URB1: variants seen among roughly 807,000 people sequenced by gnomAD.
URB1 encodes URB1 ribosome biogenesis factor.
URB1 carries 197 observed loss-of-function variants against 242.3 expected under a neutral mutation model. That is an observed-to-expected ratio of 0.81 (90% CI 0.72 to 0.91). The LOEUF (loss-of-function observed/expected upper bound fraction) is 0.91, where lower values mean the gene tolerates loss of function less well. Ranked by LOEUF, URB1 falls within the 40% of genes least tolerant of loss-of-function variation. The pLI is 0.00. For synonymous variants in URB1, 1,153 were observed against 1,201.8 expected (o/e 0.96, Z 0.84); for missense variants, 2,721 against 2,860.5 (o/e 0.95, Z 1.11).
chr21:32,354,239 T>C (rs192039155), intron 17 of URB1, 136 bp from the exon 18 acceptor site: 7 of 960,470 alleles, frequency 7.3e-6, no homozygotes, highest in African/African-American at 3.3e-5. Flanking sequence ...GCATTTAACA[T>C]AGTTTGACCC....
rs147276157 is a variant in URB1 at position 32,381,085 on chromosome 21, G to A, written c.567+2337C>T. Among the ~76,000 whole-genome samples, 147 of 152,302 alleles carry A rather than the reference G, an allele frequency of 9.7e-4. No individual in the cohort carries two copies. The East Asian group carries it at 0.022, about 22-fold the overall frequency. On this transcript the variant is annotated intron_variant, in intron 4 of 38. Transcript: ENST00000382751. ...AGGACACAGCAGCTGCCCACTCTAGGCTCTAGGCTCTGCCACTGTCGTGGC... is the reference window on the plus strand; with the variant it reads ...AGGACACAGCAGCTGCCCACTCTAGACTCTAGGCTCTGCCACTGTCGTGGC...
chr21:32,312,785 C>T lies in URB1; in HGVS notation c.*2133G>A, dbSNP rs901338067. ...AGCAAATCTCAGAAGACCCATATGT[C>T]CCCTACAGCTTTCAGGCAAGGAGGG... On this transcript the variant is annotated 3_prime_UTR_variant, in exon 39 of 39. Transcript: ENST00000382751. The T allele has an allele frequency of 6.6e-6, 1 of 152,248 alleles. No individual in the cohort carries two copies. Among genetic ancestry groups the T allele is most frequent in the Non-Finnish European group, 1.5e-5 (1 of 68,108 alleles). The allele number at this position is 152,248 out of a possible 1,614,324, so 9.4% of individuals were successfully genotyped here. A position where few individuals can be genotyped will look rare whatever the true frequency, so the allele number is the denominator to read the frequency against.
Position 32,316,880 on chromosome 21 carries a change from C to T in URB1, c.6220G>A (p.Asp2074Asn), listed in dbSNP as rs535905681. 9.0e-6 allele frequency: 14 copies of T among 1,551,460 alleles called. No individual in the cohort carries two copies. The African/African-American group carries it at 1.8e-4, about 20-fold the overall frequency. ...TYWRPVIPGP[D>N]PTQEPVDSAS... ...GAGTCCACAGGCTCCTGAGTGGGGT[C>T]AGGACCAGGGATCACTGGTCTCCAG... is the stretch of plus-strand genomic sequence containing the variant. The change falls in exon 38 of 39, where the codon GAC becomes AAC. Residue 2074 changes from aspartate (D) to asparagine (N), a missense_variant. By Grantham distance (23) the Asp-to-Asn change is conservative. Coordinates refer to ENST00000382751, the MANE Select transcript of URB1 (RefSeq NM_014825.3).
chr21:32,361,183 G>GAAAGAAAGAAAGAAAGA, intron 12 of URB1, 60 bp from the exon 13 acceptor site: 1 of 810,288 alleles, frequency 1.2e-6, no homozygotes, highest in Non-Finnish European at 1.9e-6. Context: ...AAGAAAGAAA[G>GAAAGAAAGAAAGAAAGA]AAAGAAAGAA....
In URB1 at chr21:32,383,239, G is replaced by A. The variant is rs145805676; in HGVS notation, c.567+183C>T. On this transcript the variant is annotated intron_variant, in intron 4 of 38. Coordinates refer to ENST00000382751, the MANE Select transcript of URB1 (RefSeq NM_014825.3). Reference sequence around the variant, plus strand: ...GGCTCTGCCAGGTTCTGGCCCTATCGCCAGCCTGAAGCGAGTCCTGTCCTC... The same window carrying A: ...GGCTCTGCCAGGTTCTGGCCCTATCACCAGCCTGAAGCGAGTCCTGTCCTC... 4.0e-3 allele frequency among the ~76,000 whole-genome samples: 613 copies of A among 152,296 alleles called. No homozygotes were observed. The highest frequency in any genetic ancestry group is 6.8e-3 in the Middle Eastern group (2 of 294).
At chr21:32,350,217 T>C (rs1452110233) in intron 20 of URB1, among the ~76,000 whole-genome samples, 2 of 151,788 alleles carry the variant, frequency 1.3e-5, no homozygotes, top group Non-Finnish European at 2.9e-5. Context: ...CAGATCACTG[T>C]GAGCCCAGGA....
chr21:32,372,635 T>C lies in URB1; in HGVS notation c.877-4A>G. The C allele has an allele frequency of 6.5e-7, 1 of 1,545,082 alleles. No homozygotes were observed. The highest frequency in any genetic ancestry group is 8.7e-7 in the Non-Finnish European group (1 of 1,145,336). ...TCCCTGCTTCTTCGGCAGAAACCTA[T>C]GAAGATTTTTTAAAAATTCAATGAA... On this transcript the variant is annotated splice_region_variant and splice_polypyrimidine_tract_variant and intron_variant, in intron 7 of 38. Coordinates refer to ENST00000382751, the MANE Select transcript of URB1 (RefSeq NM_014825.3).
Position 32,334,203 on chromosome 21 carries a change from A to G in URB1, c.4817T>C (p.Ile1606Thr). 6.4e-7 allele frequency: 1 copy of G among 1,551,232 alleles called. No individual in the cohort carries two copies. ...LLDRDRMMQT[I>T]LHFPQNRRLL... is the part of the protein sequence containing the mutation. ...CCTCCGGTTCTGGGGGAAGTGCAGGATGGTCTGCATCATCCGGTCCCGGTC... is the reference window on the plus strand; with the variant it reads ...CCTCCGGTTCTGGGGGAAGTGCAGGGTGGTCTGCATCATCCGGTCCCGGTC... Residue 1606 changes from isoleucine (I) to threonine (T), a missense_variant, in exon 29 of 39, where the codon ATC becomes ACC. Transcript: ENST00000382751.
intron 38 of URB1, among the ~76,000 whole-genome samples, chr21:32,315,315 A>T (rs545129440): frequency 9.3e-4 from 25 of 26,894 alleles, no homozygotes; most frequent in Admixed American, 8.5e-3. Flanking sequence ...TCTTTTCTTT[A>T]AAAAAAAAAA....
At position 32,384,018 on chromosome 21, in the gene URB1, G is replaced by A. The variant is rs1021157129; in HGVS notation, c.434+295C>T. On this transcript the variant is annotated intron_variant, in intron 3 of 38. Coordinates refer to ENST00000382751, the MANE Select transcript of URB1 (RefSeq NM_014825.3). ...GGGAAGGTGGCATTTTATAACACAG[G>A]CAAGGCCCTGCCACATGCACCTATA... Among the ~76,000 whole-genome samples, 6 of 152,304 alleles carry A rather than the reference G, an allele frequency of 3.9e-5. 1 individual carries two copies. Among genetic ancestry groups the A allele is most frequent in the African/African-American group, 1.4e-4 (6 of 41,570 alleles).
chr21:32,318,215 A>G (rs2833762), intron 36 of URB1, among the ~76,000 whole-genome samples: 29,550 of 152,060 alleles, frequency 0.19, 4,225 homozygotes, highest in African/African-American at 0.4. Flanking sequence ...CAGCCAGGGT[A>G]CCAAGAGCCT....
At chr21:32,319,124 C>T in intron 36 of URB1, 93 bp downstream of exon 36, 3 of 1,308,226 alleles carry the variant, frequency 2.3e-6, no homozygotes, top group South Asian at 1.5e-5. Flanking sequence ...CCCCCTGGTA[C>T]AGAGTCATGA....
chr21:32,349,750 C>A (rs367777191), intron 20 of URB1, among the ~76,000 whole-genome samples: 113 of 152,338 alleles, frequency 7.4e-4, no homozygotes, highest in African/African-American at 2.6e-3. Context: ...ATCCCTTGAA[C>A]CACATCAGGA....
At chr21:32,368,869 A>G (rs1568827840) in intron 8 of URB1, among the ~76,000 whole-genome samples, 1 of 152,064 alleles carries the variant, frequency 6.6e-6, no homozygotes, top group Admixed American at 6.5e-5. Context: ...CCTTGAGTTC[A>G]ATTTGCTTTC....
In URB1 at chr21:32,311,732, C is replaced by A. The variant is rs761438864; in HGVS notation, c.*3186G>T. 13 of 1,614,098 alleles carry A rather than the reference C, an allele frequency of 8.1e-6. No individual in the cohort carries two copies. The highest frequency in any genetic ancestry group is 1.7e-5 in the Admixed American group (1 of 60,028). On this transcript the variant is annotated 3_prime_UTR_variant, in exon 39 of 39. Transcript: ENST00000382751. ...CATGCCCCTGGAGTCACGGCCTCAA[C>A]CTCCACCTCTGCATCCAGAAGTGCC...
intron 1 of URB1, among the ~76,000 whole-genome samples, chr21:32,390,745 G>A (rs906636856): frequency 6.6e-5 from 10 of 152,216 alleles, no homozygotes; most frequent in African/African-American, 1.4e-4. Context: ...GTGGAGAAAT[G>A]GGAACACTTT....
rs1166039318 is a variant in URB1 at position 32,337,854 on chromosome 21, C to G, written c.4511-340G>C. Among the ~76,000 whole-genome samples the G allele has an allele frequency of 2.6e-5, 4 of 152,092 alleles. No individual in the cohort carries two copies. In the East Asian group the frequency reaches 7.7e-4, roughly 29 times the overall value. Reference sequence around the variant, plus strand: ...GTGTTTTTCAATTAAGACATCTCCACAGTCACCTTTCTTCCTAGGCCTTTG... The same window carrying G: ...GTGTTTTTCAATTAAGACATCTCCAGAGTCACCTTTCTTCCTAGGCCTTTG... On this transcript the variant is annotated intron_variant, in intron 26 of 38. Coordinates refer to ENST00000382751, the MANE Select transcript of URB1 (RefSeq NM_014825.3).
At chr21:32,342,127 A>G (rs1371571523) in intron 24 of URB1, among the ~76,000 whole-genome samples, 2 of 152,204 alleles carry the variant, frequency 1.3e-5, no homozygotes, top group East Asian at 3.8e-4. Context: ...TCAAATAGTC[A>G]AAGGAAATTT....
intron 8 of URB1, among the ~76,000 whole-genome samples, chr21:32,371,978 T>G (rs1244374180): frequency 6.6e-6 from 1 of 152,020 alleles, no homozygotes; most frequent in Non-Finnish European, 1.5e-5. Context: ...AAAAAAACAA[T>G]TTTGAAACCG....
Sources: gnomAD v4.1 joint callset for allele counts (sites outside exome capture counted in the v4.1 genomes callset) on GRCh38, gnomAD v4.1.1 for gene constraint, MANE v1.5 for transcripts, NCBI Gene and HGNC (gene_info 2026-07-23, HGNC 2026-07-21) for gene names.